The following RERG variants were observed in gnomAD, a reference collection of about 807,000 sequenced individuals.
The protein encoded by RERG is RAS like estrogen regulated growth inhibitor.
A neutral mutation model predicts 23.2 loss-of-function variants in RERG; 25 were observed. The ratio of observed to expected loss-of-function variants is 1.08; its 90% CI spans 0.79 to 1.50. The LOEUF (loss-of-function observed/expected upper bound fraction) is 1.50. Ranked by LOEUF, RERG falls within the 40% of genes most tolerant of loss-of-function variation. The pLI is 0.00. For synonymous variants in RERG, 81 were observed against 89.1 expected (o/e 0.91, Z 0.51); for missense variants, 253 against 250.1 (o/e 1.01, Z -0.08).
chr12:15,180,714 T>C (rs1864912393), intron 2 of RERG, among the ~76,000 whole-genome samples: 1 of 152,208 alleles, frequency 6.6e-6, no homozygotes, highest in South Asian at 2.1e-4. Context: ...ATTTGTCCCA[T>C]GCACTACCAA....
chr12:15,177,453 A>T (rs1418014669), intron 2 of RERG, among the ~76,000 whole-genome samples: 1 of 152,180 alleles, frequency 6.6e-6, no homozygotes, highest in African/African-American at 2.4e-5. Flanking sequence ...ACTCTGCCTC[A>T]AAGAAAAAAA....
intron 2 of RERG, among the ~76,000 whole-genome samples, chr12:15,213,604 T>A (rs915525465): frequency 4.6e-5 from 7 of 152,230 alleles, no homozygotes; most frequent in African/African-American, 1.7e-4. Flanking sequence ...CAGCAGACCA[T>A]GTAAACACTT....
chr12:15,166,084 C>G (rs1864683107), intron 2 of RERG, among the ~76,000 whole-genome samples: 1 of 152,164 alleles, frequency 6.6e-6, no homozygotes, highest in Non-Finnish European at 1.5e-5. Flanking sequence ...AGACTTAACT[C>G]CATGAGAACC....
intron 1 of RERG, 51 bp downstream of exon 1, chr12:15,221,144 C>G (rs1326010098): frequency 6.6e-6 from 1 of 152,294 alleles, no homozygotes; most frequent in African/African-American, 2.4e-5. Flanking sequence ...CGGAATGGGT[C>G]TGCAGGAAGT....
chr12:15,189,085 T>C (rs1865033298), intron 2 of RERG, among the ~76,000 whole-genome samples: 2 of 152,224 alleles, frequency 1.3e-5, no homozygotes, highest in Admixed American at 1.3e-4. Context: ...CCTAACTGGT[T>C]TCTAGGTTCC....
intron 2 of RERG, among the ~76,000 whole-genome samples, chr12:15,167,013 A>C (rs1023845468): frequency 3.7e-4 from 56 of 152,184 alleles, no homozygotes; most frequent in Non-Finnish European, 7.3e-4. Flanking sequence ...TCAAAACATC[A>C]ATGAAAATAT....
At chr12:15,135,304 T>G (rs1192156642) in intron 2 of RERG, among the ~76,000 whole-genome samples, 7 of 152,072 alleles carry the variant, frequency 4.6e-5, no homozygotes, top group African/African-American at 1.7e-4. Flanking sequence ...GATCTGGGAG[T>G]TTTTTGTCTA....
intron 2 of RERG, among the ~76,000 whole-genome samples, chr12:15,195,078 T>C (rs924677432): frequency 6.6e-6 from 1 of 152,118 alleles, no homozygotes; most frequent in African/African-American, 2.4e-5. Flanking sequence ...CTTGTCAAAT[T>C]AATGCTTGCA....
chr12:15,126,584 A>T (rs1421057709), intron 2 of RERG, among the ~76,000 whole-genome samples: 1 of 152,122 alleles, frequency 6.6e-6, no homozygotes, highest in Non-Finnish European at 1.5e-5. Flanking sequence ...AGCGCCCTTA[A>T]AAGCCCAAAT....
intron 2 of RERG, among the ~76,000 whole-genome samples, chr12:15,160,894 C>T (rs1354065152): frequency 1.3e-5 from 2 of 151,504 alleles, no homozygotes; most frequent in African/African-American, 4.9e-5. Flanking sequence ...CCCAGCACTT[C>T]GGGAGGCCGA....
At chr12:15,148,480 T>C (rs1344744590) in intron 2 of RERG, among the ~76,000 whole-genome samples, 3 of 152,212 alleles carry the variant, frequency 2.0e-5, no homozygotes, top group Non-Finnish European at 2.9e-5. Flanking sequence ...CTCCTGTTTC[T>C]GAAAGAACAC....
At chr12:15,133,829 T>G (rs1337631371) in intron 2 of RERG, among the ~76,000 whole-genome samples, 1 of 152,070 alleles carries the variant, frequency 6.6e-6, no homozygotes, top group Non-Finnish European at 1.5e-5. Flanking sequence ...CACTGTTGTT[T>G]TCATTTGCAA....
chr12:15,213,591 A>G (rs976691211), intron 2 of RERG, among the ~76,000 whole-genome samples: 1 of 152,218 alleles, frequency 6.6e-6, no homozygotes, highest in Non-Finnish European at 1.5e-5. Context: ...AATTCCCCCA[A>G]TACAGCAGAC....
chr12:15,206,195 T>G (rs1865287613), intron 2 of RERG, among the ~76,000 whole-genome samples: 1 of 152,086 alleles, frequency 6.6e-6, no homozygotes, highest in Non-Finnish European at 1.5e-5. Context: ...TTACATTTTA[T>G]TTTTTAAACA....
intron 2 of RERG, chr12:15,154,245 G>T (rs753020061): frequency 6.6e-6 from 1 of 152,140 alleles, no homozygotes; most frequent in Non-Finnish European, 1.5e-5. Flanking sequence ...TTTAGCCCCC[G>T]AGTCTCCCTG....
At chr12:15,201,636 ATTG>A (rs1187647853) in intron 2 of RERG, among the ~76,000 whole-genome samples, 1 of 149,184 alleles carries the variant, frequency 6.7e-6, no homozygotes, top group African/African-American at 2.4e-5. Context: ...ATTATTAGTA[ATTG>A]TTAGTATAGT....
intron 4 of RERG, among the ~76,000 whole-genome samples, chr12:15,110,747 G>A (rs1863599147): frequency 6.6e-6 from 1 of 151,908 alleles, no homozygotes; most frequent in South Asian, 2.1e-4. Context: ...CAAAGTGCTG[G>A]GATTACAGGT....
chr12:15,122,386 C>A (rs1863848247), intron 2 of RERG, among the ~76,000 whole-genome samples: 1 of 152,172 alleles, frequency 6.6e-6, no homozygotes, highest in African/African-American at 2.4e-5. Context: ...GTATAACCTT[C>A]CTCCTGTACA....
chr12:15,192,266 GC>G (rs1865082304), intron 2 of RERG, among the ~76,000 whole-genome samples: 1 of 152,096 alleles, frequency 6.6e-6, no homozygotes, highest in South Asian at 2.1e-4. Context: ...TCTGCCTTCT[GC>G]GATGATTGGA....
Sources: allele counts gnomAD v4.1 joint callset (sites outside exome capture counted in the v4.1 genomes callset), GRCh38; gene constraint gnomAD v4.1.1; transcripts MANE v1.5; gene names NCBI Gene and HGNC (gene_info 2026-07-23, HGNC 2026-07-21).